Variants in PCDHGA4 observed in about 807,000 individuals in gnomAD.
PCDHGA4 encodes protocadherin gamma-A4.
PCDHGA4 carries 38 observed loss-of-function variants against 54.6 expected under a neutral mutation model. The ratio of observed to expected loss-of-function variants is 0.70; its 90% CI spans 0.54 to 0.91. The LOEUF is 0.91. PCDHGA4 is among the 40% of genes least tolerant of loss of function. The pLI is 0.00. For synonymous variants in PCDHGA4, 511 were observed against 512.9 expected (o/e 1.00, Z 0.05); for missense variants, 1,298 against 1,220.9 (o/e 1.06, Z -0.94).
At chr5:141,419,477 C>G (rs760970548) in intron 1 of PCDHGA4, 1 of 1,612,420 alleles carries the variant, frequency 6.2e-7, no homozygotes, top group Non-Finnish European at 8.5e-7. Flanking sequence ...CCAGGGCTCG[C>G]CCGCGCTCAG....
At chr5:141,382,541 T>G (rs1388934219) in intron 1 of PCDHGA4, among the ~76,000 whole-genome samples, 2 of 152,224 alleles carry the variant, frequency 1.3e-5, no homozygotes, top group African/African-American at 4.8e-5. Context: ...GATTTTTAAT[T>G]ATCAGGGATA....
intron 2 of PCDHGA4, among the ~76,000 whole-genome samples, chr5:141,502,296 G>A (rs758304596): frequency 7.9e-5 from 12 of 151,130 alleles, no homozygotes; most frequent in Non-Finnish European, 1.2e-4. Context: ...TGGTTGTCAC[G>A]TCTTTCCTCT....
At chr5:141,468,889 G>T (rs2099184580) in intron 1 of PCDHGA4, among the ~76,000 whole-genome samples, 1 of 151,496 alleles carries the variant, frequency 6.6e-6, no homozygotes, top group African/African-American at 2.4e-5. Flanking sequence ...ATAATAATAA[G>T]GTACTAATAT....
chr5:141,374,339 A>C, intron 1 of PCDHGA4: 1 of 1,614,006 alleles, frequency 6.2e-7, no homozygotes, highest in Non-Finnish European at 8.5e-7. Context: ...CAGCTTGGTC[A>C]CCGCGGGTAG....
At chr5:141,405,218 G>T in intron 1 of PCDHGA4, 1 of 1,613,986 alleles carries the variant, frequency 6.2e-7, no homozygotes, top group Non-Finnish European at 8.5e-7. Flanking sequence ...CTATTCTCAG[G>T]AGTTCTCCCT....
chr5:141,366,812 T>G (rs1459944909), intron 1 of PCDHGA4: 6 of 1,549,614 alleles, frequency 3.9e-6, no homozygotes, highest in Non-Finnish European at 4.4e-6. Context: ...TTTTTCATGT[T>G]TCTGTCATAT....
At chr5:141,381,022 G>T (rs1326220507) in intron 1 of PCDHGA4, among the ~76,000 whole-genome samples, 2 of 152,148 alleles carry the variant, frequency 1.3e-5, no homozygotes, top group African/African-American at 4.8e-5. Flanking sequence ...ACCTCTATTA[G>T]TTCCTTTAAA....
intron 1 of PCDHGA4, among the ~76,000 whole-genome samples, chr5:141,449,680 T>C (rs2098651613): frequency 6.6e-6 from 1 of 151,546 alleles, no homozygotes; most frequent in Admixed American, 6.6e-5. Flanking sequence ...TATGTATATA[T>C]GTTTGTGTGT....
At chr5:141,366,743 C>G (rs561614642) in intron 1 of PCDHGA4, 2 of 1,611,598 alleles carry the variant, frequency 1.2e-6, no homozygotes, top group East Asian at 4.5e-5. Flanking sequence ...AGAAGAACGG[C>G]GAGTTCAGGT....
intron 1 of PCDHGA4, chr5:141,383,413 C>T (rs1160072155): frequency 6.2e-7 from 1 of 1,614,020 alleles, no homozygotes. Context: ...GAGTTACCAG[C>T]TCAGCCCCAA....
At chr5:141,400,740 G>T in intron 1 of PCDHGA4, 1 of 616,766 alleles carries the variant, frequency 1.6e-6, no homozygotes, top group Non-Finnish European at 2.8e-6. Context: ...GTGAGAGTTT[G>T]CTCTTAGCTT....
At chr5:141,468,739 G>A (rs1167211344) in intron 1 of PCDHGA4, among the ~76,000 whole-genome samples, 5 of 152,000 alleles carry the variant, frequency 3.3e-5, no homozygotes, top group African/African-American at 1.2e-4. Context: ...GGTGGCGGGT[G>A]CCTGTAGTCC....
In PCDHGA4 at chr5:141,355,448, C is replaced by A; in HGVS notation, c.341C>A (p.Thr114Asn). The change falls in exon 1 of 4, where the codon ACC becomes AAC. Residue 114 changes from threonine (T) to asparagine (N), a missense_variant. Coordinates refer to ENST00000571252, the MANE Select transcript of PCDHGA4 (RefSeq NM_018917.4). Reference protein sequence around the residue: ...QLFALNPRSGTLVTAGRIDRE... With the variant: ...QLFALNPRSGNLVTAGRIDRE... ...TTCGCCCTGAACCCGCGCAGCGGCACCTTGGTCACCGCGGGTAGGATAGAC... is the reference window on the plus strand; with the variant it reads ...TTCGCCCTGAACCCGCGCAGCGGCAACTTGGTCACCGCGGGTAGGATAGAC... 3 of 1,614,092 alleles carry A rather than the reference C, an allele frequency of 1.9e-6. No individual in the cohort carries two copies. Among genetic ancestry groups the A allele is most frequent in the Non-Finnish European group, 2.5e-6 (3 of 1,179,928 alleles).
chr5:141,428,949 G>T (rs2097173007), intron 1 of PCDHGA4: 1 of 152,034 alleles, frequency 6.6e-6, no homozygotes, highest in Admixed American at 6.6e-5. Flanking sequence ...CTGCCTTCCG[G>T]GTTCTGGCCA....
At chr5:141,509,015 C>G (rs1370464396) in intron 3 of PCDHGA4, among the ~76,000 whole-genome samples, 2 of 152,098 alleles carry the variant, frequency 1.3e-5, no homozygotes, top group African/African-American at 4.8e-5. Context: ...AAGTGGGCAG[C>G]TGCTCCCTCC....
At chr5:141,460,616 TAGAC>T (rs533223594) in intron 1 of PCDHGA4, among the ~76,000 whole-genome samples, 44 of 152,232 alleles carry the variant, frequency 2.9e-4, no homozygotes, top group Middle Eastern at 3.4e-3. Context: ...GATGGATAGA[TAGAC>T]AGATACAGAT....
intron 1 of PCDHGA4, among the ~76,000 whole-genome samples, chr5:141,401,668 A>G (rs2094180828): frequency 6.6e-6 from 1 of 152,254 alleles, no homozygotes; most frequent in Non-Finnish European, 1.5e-5. Flanking sequence ...TTTTCTCAAC[A>G]TCCTTGTAGG....
intron 1 of PCDHGA4, chr5:141,404,120 C>T (rs1224189151): frequency 1.2e-6 from 2 of 1,613,312 alleles, no homozygotes; most frequent in East Asian, 4.5e-5. Flanking sequence ...CCAGGAGAAT[C>T]TATCTTTTAC....
chr5:141,489,707 G>A lies in PCDHGA4; in HGVS notation c.2515-5100G>A. 6.2e-7 allele frequency: 1 copy of A among 1,614,194 alleles called. No individual in the cohort carries two copies. Among genetic ancestry groups the A allele is most frequent in the Non-Finnish European group, 8.5e-7 (1 of 1,180,022 alleles). The stretch of plus-strand genomic sequence containing the variant: ...TCTGGGGCACGATTCCCACTGGACA[G>A]TGCCCAGGATCCGGATGTGGGCACC... On this transcript the variant is annotated intron_variant, in intron 1 of 3. Transcript: ENST00000571252. The surrounding 1 kb of genome is among the most constrained non-coding windows in gnomAD (Gnocchi z 4.5).
Sources: gnomAD v4.1 joint callset for allele counts (sites outside exome capture counted in the v4.1 genomes callset) on GRCh38, gnomAD v4.1.1 for gene constraint, Gnocchi (gnomAD v3.1) non-coding constraint, MANE v1.5 for transcripts, NCBI Gene and HGNC (gene_info 2026-07-23, HGNC 2026-07-21) for gene names.